The following DENND1B variants were observed in gnomAD, a reference collection of about 807,000 sequenced individuals.
DENND1B encodes the protein DENN domain-containing protein 1B.
A neutral mutation model predicts 90.1 loss-of-function variants in DENND1B; 59 were observed. That is an observed-to-expected ratio of 0.65 (90% confidence interval 0.53 to 0.81). The LOEUF (loss-of-function observed/expected upper bound fraction) is 0.81. Among genes scored for constraint, DENND1B ranks in the 40% least tolerant of loss-of-function variants. The probability of loss-of-function intolerance (pLI) is 0.00; values close to 1 mark genes in which losing one functional copy is unlikely to be tolerated. For missense variants in DENND1B, 862 were observed against 912.6 expected, an observed-to-expected ratio of 0.94 and a Z score of 0.71; for synonymous variants, 337 against 324.6, an observed-to-expected ratio of 1.04 and a Z score of -0.41.
chr1:197,558,688 A>T (rs149752047), intron 15 of DENND1B, among the ~76,000 whole-genome samples: 1 of 151,972 alleles, frequency 6.6e-6, no homozygotes, highest in African/African-American at 2.4e-5. Flanking sequence ...GTACTGTGAC[A>T]GGTTACAAGA....
At chr1:197,709,819 G>C (rs1659930236) in intron 3 of DENND1B, among the ~76,000 whole-genome samples, 1 of 141,538 alleles carries the variant, frequency 7.1e-6, no homozygotes, top group Non-Finnish European at 1.5e-5. Flanking sequence ...TCAGTGTGCT[G>C]TATTCAGGAA....
intron 20 of DENND1B, among the ~76,000 whole-genome samples, chr1:197,521,671 T>C (rs1446921459): frequency 1.3e-5 from 2 of 152,012 alleles, no homozygotes; most frequent in Admixed American, 1.3e-4. Context: ...TGTATAATTA[T>C]AATAGTGACA....
intron 2 of DENND1B, among the ~76,000 whole-genome samples, chr1:197,766,931 C>G (rs2102485127): frequency 6.6e-6 from 1 of 152,028 alleles, no homozygotes; most frequent in East Asian, 1.9e-4. Flanking sequence ...GTAGTTGGGA[C>G]TACAGGCTCT....
chr1:197,631,876 GT>G (rs1279458857), intron 10 of DENND1B, among the ~76,000 whole-genome samples: 2 of 152,002 alleles, frequency 1.3e-5, no homozygotes, highest in Non-Finnish European at 2.9e-5. Flanking sequence ...GAAATTTGCT[GT>G]TAGTAAATGA....
intron 10 of DENND1B, among the ~76,000 whole-genome samples, chr1:197,621,320 G>A (rs1247701415): frequency 6.6e-6 from 1 of 150,768 alleles, no homozygotes; most frequent in Non-Finnish European, 1.5e-5. Flanking sequence ...GGAAAATAGA[G>A]CCTTCTAGGA....
intron 20 of DENND1B, among the ~76,000 whole-genome samples, chr1:197,534,324 G>A (rs1459107359): frequency 6.6e-6 from 1 of 152,152 alleles, no homozygotes; most frequent in African/African-American, 2.4e-5. Context: ...AGGTATTAAT[G>A]AGACTGAGCA....
intron 14 of DENND1B, 137 bp downstream of exon 14, chr1:197,595,071 C>A: frequency 2.5e-6 from 3 of 1,189,702 alleles, no homozygotes; most frequent in East Asian, 2.7e-5. Context: ...TGTTTTGAAA[C>A]ACATTATTTT....
chr1:197,719,203 AG>A (rs1468945228), intron 2 of DENND1B, among the ~76,000 whole-genome samples: 3 of 152,190 alleles, frequency 2.0e-5, no homozygotes, highest in African/African-American at 7.2e-5. Context: ...GGATACACAA[AG>A]TAGAGGAAAG....
At chr1:197,673,311 A>G (rs1655716771) in intron 4 of DENND1B, among the ~76,000 whole-genome samples, 1 of 152,048 alleles carries the variant, frequency 6.6e-6, no homozygotes, top group Non-Finnish European at 1.5e-5. Context: ...CAGATAAGGT[A>G]AAACAAGGAG....
At chr1:197,770,627 T>C (rs987572025) in intron 2 of DENND1B, among the ~76,000 whole-genome samples, 7 of 105,766 alleles carry the variant, frequency 6.6e-5, no homozygotes, top group Admixed American at 5.7e-4. Flanking sequence ...TATAAATATA[T>C]ATAAAAATAT....
rs760567251 is a variant in DENND1B at position 197,551,078 on chromosome 1, AAC to A, written c.1240+1942_1240+1943del. ...ACTGACCTCTAGGAACCATTTTATAAACACACACACACACACACACACACACA... is the reference window on the plus strand; with the variant it reads ...ACTGACCTCTAGGAACCATTTTATAAACACACACACACACACACACACACA... On this transcript the variant is annotated intron_variant, in intron 16 of 22. Coordinates refer to ENST00000620048, the MANE Select transcript of DENND1B (RefSeq NM_001195215.2). Among the ~76,000 whole-genome samples, 604 of 87,598 alleles carry A rather than the reference AAC, an allele frequency of 6.9e-3. 6 individuals are homozygous for A. The highest frequency in any genetic ancestry group is 0.023 in the African/African-American group (554 of 24,128). 57.5% of individuals were successfully genotyped at this position (87,598 alleles called of 152,430 possible). A position where few individuals can be genotyped will look rare whatever the true frequency, so the allele number is the denominator to read the frequency against.
chr1:197,594,204 C>T (rs917381463), intron 14 of DENND1B, among the ~76,000 whole-genome samples: 1 of 152,102 alleles, frequency 6.6e-6, no homozygotes, highest in Admixed American at 6.5e-5. Flanking sequence ...GGAATCCTTC[C>T]AATAATTAGA....
chr1:197,626,938 T>A (rs566772241), intron 10 of DENND1B, among the ~76,000 whole-genome samples: 1 of 152,028 alleles, frequency 6.6e-6, no homozygotes, highest in African/African-American at 2.4e-5. Flanking sequence ...AAGAAATGGA[T>A]AAATTCCTCG....
At position 197,512,870 on chromosome 1, in the gene DENND1B, C is replaced by T; in HGVS notation, c.1598+1G>A. ...ATAGGACACCAAAATCCATTACTTACTTGCTTGCTCTTTCAATGTCATCAT... is the reference window on the plus strand; with the variant it reads ...ATAGGACACCAAAATCCATTACTTATTTGCTTGCTCTTTCAATGTCATCAT... On this transcript the variant is annotated splice_donor_variant, in intron 21 of 22. Transcript: ENST00000620048. LOFTEE classifies it high-confidence loss of function. The T allele has an allele frequency of 6.2e-7, 1 of 1,609,820 alleles. No homozygotes were observed. Among genetic ancestry groups the T allele is most frequent in the South Asian group, 1.1e-5 (1 of 90,774 alleles).
intron 11 of DENND1B, among the ~76,000 whole-genome samples, chr1:197,617,179 C>T (rs1406797342): frequency 6.6e-6 from 1 of 151,010 alleles, no homozygotes; most frequent in South Asian, 2.1e-4. Context: ...TTAGAGACAA[C>T]CCCTTTATCA....
chr1:197,773,702 T>C (rs1656896902), intron 1 of DENND1B, among the ~76,000 whole-genome samples: 1 of 152,218 alleles, frequency 6.6e-6, no homozygotes, highest in Non-Finnish European at 1.5e-5. Context: ...TTGCCATATT[T>C]GCAAAATTTC....
At chr1:197,529,234 ATATATATATGTGTG>A (rs1298148880) in intron 20 of DENND1B, among the ~76,000 whole-genome samples, 1 of 11,968 alleles carries the variant, frequency 8.4e-5, no homozygotes. Flanking sequence ...ATATATATAT[ATATATATATGTGTG>A]TGTGTGTGTG....
intron 10 of DENND1B, among the ~76,000 whole-genome samples, chr1:197,642,430 T>C (rs569119210): frequency 2.2e-4 from 34 of 152,234 alleles, no homozygotes; most frequent in African/African-American, 7.5e-4. Context: ...GAATTCTTTA[T>C]ATGGTAGAAG....
intron 8 of DENND1B, among the ~76,000 whole-genome samples, 185 bp from the exon 9 acceptor site, chr1:197,645,928 C>T (rs6688289): frequency 0.49 from 74,971 of 151,554 alleles, 18,852 homozygotes; most frequent in East Asian, 0.66. Flanking sequence ...TTAACAATTA[C>T]ATTGCCATAC....
Sources: allele counts gnomAD v4.1 joint callset (sites outside exome capture counted in the v4.1 genomes callset), GRCh38; gene constraint gnomAD v4.1.1; transcripts MANE v1.5; gene names NCBI Gene and HGNC (gene_info 2026-07-23, HGNC 2026-07-21).